The following CNTNAP2 variants were observed in gnomAD, a reference collection of about 807,000 sequenced individuals.
The protein encoded by CNTNAP2 is contactin associated protein 2, also known as contactin-associated protein-like 2.
Under a neutral mutation model 155.2 loss-of-function variants are expected in CNTNAP2, and 98 were observed. That is an observed-to-expected ratio of 0.63 (90% confidence interval 0.54 to 0.75). The LOEUF is 0.75. CNTNAP2 is among the 30% of genes least tolerant of loss of function. The probability of loss-of-function intolerance (pLI) is 0.00; values close to 1 mark genes in which losing one functional copy is unlikely to be tolerated. For missense variants in CNTNAP2, 1,727 were observed against 1,688.1 expected (o/e 1.02, Z -0.40); for synonymous variants, 651 against 631.2 (o/e 1.03, Z -0.47).
intron 1 of CNTNAP2, among the ~76,000 whole-genome samples, chr7:146,668,754 C>T (rs1190477752): frequency 6.6e-6 from 1 of 151,994 alleles, no homozygotes; most frequent in Non-Finnish European, 1.5e-5. Flanking sequence ...AATTTATCCA[C>T]ATCCTCTAGG....
In CNTNAP2 at chr7:148,063,494, T is replaced by G. The variant is rs563404668; in HGVS notation, c.2384-54624T>G. 9.8e-4 allele frequency among the ~76,000 whole-genome samples: 149 copies of G among 151,964 alleles called. 4 individuals are homozygous for G. In the South Asian group the frequency reaches 0.028, roughly 29 times the overall value. On this transcript the variant is annotated intron_variant, in intron 15 of 23. Transcript: ENST00000361727. ...TTTTTCCTCTGTTTTTTATTTTGGA[T>G]AGTTTCTATCACTGTCTTCAAGTTA... is the stretch of plus-strand genomic sequence containing the variant.
intron 1 of CNTNAP2, among the ~76,000 whole-genome samples, chr7:146,169,546 G>A (rs969527667): frequency 6.6e-5 from 10 of 152,088 alleles, no homozygotes; most frequent in Non-Finnish European, 1.2e-4. Context: ...CAAGTATACA[G>A]TATAGTATAA....
intron 20 of CNTNAP2, among the ~76,000 whole-genome samples, chr7:148,264,121 A>G (rs1216225417): frequency 6.6e-6 from 1 of 152,236 alleles, no homozygotes; most frequent in African/African-American, 2.4e-5. Context: ...GTAAAAACCT[A>G]AACATGGAAA....
chr7:146,994,724 CAT>C (rs965189460), intron 3 of CNTNAP2, among the ~76,000 whole-genome samples: 1 of 152,070 alleles, frequency 6.6e-6, no homozygotes, highest in African/African-American at 2.4e-5. Flanking sequence ...CTCTCACACA[CAT>C]GGGTGTTAAT....
chr7:146,935,466 C>A (rs570768089), intron 3 of CNTNAP2, among the ~76,000 whole-genome samples: 82 of 152,238 alleles, frequency 5.4e-4, no homozygotes, highest in Non-Finnish European at 1.0e-3. Flanking sequence ...TCCCTTTGAC[C>A]CACATCATGT....
chr7:146,369,336 G>A (rs547891719), intron 1 of CNTNAP2, among the ~76,000 whole-genome samples: 1 of 151,976 alleles, frequency 6.6e-6, no homozygotes, highest in African/African-American at 2.4e-5. Flanking sequence ...GGACATTTAG[G>A]AATGTTTTGA....
At chr7:146,809,947 C>T (rs1390056351) in intron 2 of CNTNAP2, among the ~76,000 whole-genome samples, 1 of 152,070 alleles carries the variant, frequency 6.6e-6, no homozygotes, top group Non-Finnish European at 1.5e-5. Context: ...GAAGCTTTTC[C>T]CCTAAGTTGT....
chr7:148,137,668 A>AAAAGG (rs1251092389), intron 16 of CNTNAP2, among the ~76,000 whole-genome samples: 9 of 128,938 alleles, frequency 7.0e-5, no homozygotes, highest in Non-Finnish European at 1.1e-4. Flanking sequence ...TCTCAGAAAA[A>AAAAGG]AAAGGAAGGA....
At chr7:148,284,425 A>G (rs1312872804) in intron 21 of CNTNAP2, among the ~76,000 whole-genome samples, 1 of 152,064 alleles carries the variant, frequency 6.6e-6, no homozygotes, top group Non-Finnish European at 1.5e-5. Context: ...AGGCCTCCCC[A>G]GCCATGTGGA....
chr7:148,160,967 T>C (rs1396549891), intron 17 of CNTNAP2, among the ~76,000 whole-genome samples: 1 of 152,228 alleles, frequency 6.6e-6, no homozygotes, highest in Non-Finnish European at 1.5e-5. Flanking sequence ...TCTTCTAATC[T>C]CTTTATTCAT....
chr7:147,719,089 ATAGT>A (rs1352061798), intron 13 of CNTNAP2, among the ~76,000 whole-genome samples: 4 of 152,134 alleles, frequency 2.6e-5, no homozygotes, highest in African/African-American at 4.8e-5. Context: ...ATTAAAAGGG[ATAGT>A]TAAAGAGGTT....
intron 3 of CNTNAP2, among the ~76,000 whole-genome samples, chr7:146,843,629 C>T (rs867428228): frequency 9.6e-5 from 14 of 146,466 alleles, no homozygotes; most frequent in African/African-American, 3.2e-4. Flanking sequence ...AATCCTTTGA[C>T]GTATTCTAAA....
chr7:148,226,636 G>A lies in CNTNAP2; in HGVS notation c.3248-3010G>A, dbSNP rs552598972. Among the ~76,000 whole-genome samples the A allele has an allele frequency of 8.2e-5, 7 of 85,502 alleles. No homozygotes were observed. The East Asian group carries it at 1.5e-3, about 19-fold the overall frequency. 56.1% of individuals were successfully genotyped at this position (85,502 alleles called of 152,430 possible). ...CTCTAGGAACACTCAACTGGAAAGG[G>A]GAAAAAAAATGCCTCAAATGAGCAT... On this transcript the variant is annotated intron_variant, in intron 19 of 23. Coordinates refer to ENST00000361727, the MANE Select transcript of CNTNAP2 (RefSeq NM_014141.6).
At chr7:146,969,646 T>A (rs1304585193) in intron 3 of CNTNAP2, among the ~76,000 whole-genome samples, 1 of 152,146 alleles carries the variant, frequency 6.6e-6, no homozygotes, top group Non-Finnish European at 1.5e-5. Flanking sequence ...CTGCCTTTTT[T>A]TTGGTTTCCA....
At chr7:147,624,046 C>T (rs1794922384) in intron 12 of CNTNAP2, among the ~76,000 whole-genome samples, 2 of 152,082 alleles carry the variant, frequency 1.3e-5, no homozygotes, top group Non-Finnish European at 2.9e-5. Flanking sequence ...TCTGGGAAAA[C>T]TGAATGTTCA....
chr7:148,351,584 A>C (rs563458063), intron 21 of CNTNAP2, among the ~76,000 whole-genome samples: 5 of 151,756 alleles, frequency 3.3e-5, no homozygotes, highest in Admixed American at 3.3e-4. Context: ...CTCTACTAAA[A>C]ATACAAAAAT....
chr7:146,725,471 C>T (rs1801415331), intron 1 of CNTNAP2, among the ~76,000 whole-genome samples: 2 of 151,124 alleles, frequency 1.3e-5, no homozygotes, highest in African/African-American at 4.9e-5. Context: ...ATGATAATAG[C>T]CCTTCTCAAC....
intron 14 of CNTNAP2, among the ~76,000 whole-genome samples, chr7:147,922,315 G>A (rs1364002451): frequency 1.3e-5 from 2 of 152,166 alleles, no homozygotes; most frequent in Non-Finnish European, 2.9e-5. Flanking sequence ...CCCCAACCCT[G>A]CTTATAGTAT....
At chr7:148,193,249 A>G (rs183614973) in intron 18 of CNTNAP2, among the ~76,000 whole-genome samples, 24 of 152,276 alleles carry the variant, frequency 1.6e-4, no homozygotes, top group African/African-American at 5.5e-4. Context: ...AGAGGGAGGT[A>G]AAGATATTAG....
Sources: allele counts gnomAD v4.1 joint callset (sites outside exome capture counted in the v4.1 genomes callset), GRCh38; gene constraint gnomAD v4.1.1; transcripts MANE v1.5; gene names NCBI Gene and HGNC (gene_info 2026-07-23, HGNC 2026-07-21).